The following SPATA1 variants were observed in gnomAD, a reference collection of about 807,000 sequenced individuals.
SPATA1 encodes spermatogenesis associated 1.
SPATA1 carries 57 observed loss-of-function variants against 59.6 expected under a neutral mutation model. That is an observed-to-expected ratio of 0.96 (90% CI 0.77 to 1.19). The LOEUF is 1.19. SPATA1 is among the 50% of genes most tolerant of loss of function. The pLI is 0.00. For synonymous variants in SPATA1, 147 were observed against 163.9 expected, an observed-to-expected ratio of 0.90 and a Z score of 0.79; for missense variants, 448 against 480.7, an observed-to-expected ratio of 0.93 and a Z score of 0.64.
At chr1:84,553,889 T>G (rs1244915848) in exon 13 of SPATA1, 1 of 152,210 alleles carries the variant, frequency 6.6e-6, no homozygotes, top group Non-Finnish European at 1.5e-5. Flanking sequence ...CTTAATTCCC[T>G]GGAGAAAGAA....
chr1:84,559,672 A>G (rs781522493), intron 4 of SPATA1, among the ~76,000 whole-genome samples: 9 of 152,252 alleles, frequency 5.9e-5, no homozygotes, highest in Middle Eastern at 3.4e-3. Flanking sequence ...TAACCTTACA[A>G]TGGGAATTTT....
intron 4 of SPATA1, among the ~76,000 whole-genome samples, chr1:84,564,505 T>A (rs924382318): frequency 2.6e-5 from 4 of 152,198 alleles, no homozygotes; most frequent in African/African-American, 9.6e-5. Flanking sequence ...GGGTGGGGTA[T>A]GTATCAGTTC....
At chr1:84,545,730 T>G in exon 10 of SPATA1, 1 of 1,530,312 alleles carries the variant, frequency 6.5e-7, no homozygotes. Flanking sequence ...GAAAAGCTAT[T>G]TGAACAAAGC....
intron 8 of SPATA1, among the ~76,000 whole-genome samples, chr1:84,540,775 AGCAAGGATGG>A (rs988978268): frequency 6.6e-6 from 1 of 152,248 alleles, no homozygotes; most frequent in Non-Finnish European, 1.5e-5. Context: ...CTCTCTGTAG[AGCAAGGATGG>A]GCAGACTAAG....
rs1558580494 is a variant in SPATA1 at position 84,522,512 on chromosome 1, G to A, written c.261+5G>A. On this transcript the variant is annotated splice_donor_5th_base_variant and intron_variant, in intron 4 of 12. Coordinates refer to ENST00000490879, the Ensembl canonical transcript of SPATA1. ...ATTGGAAATAATTTAGCTGTGGTAA[G>A]TTTTCTTTTTTTTTCTTTCTGATTG... The A allele has an allele frequency of 2.7e-6, 4 of 1,471,000 alleles. No homozygotes were observed. The highest frequency in any genetic ancestry group is 1.4e-5 in the African/African-American group (1 of 69,674). The allele number at this position is 1,471,000 out of a possible 1,614,324, so 91.1% of individuals were successfully genotyped here.
intron 1 of SPATA1, among the ~76,000 whole-genome samples, chr1:84,514,380 C>G (rs559840852): frequency 1.2e-4 from 19 of 152,280 alleles, no homozygotes; most frequent in Admixed American, 7.8e-4. Flanking sequence ...TTGAGTATTC[C>G]TTATCCAAAA....
intron 1 of SPATA1, among the ~76,000 whole-genome samples, chr1:84,510,931 G>A (rs1028507899): frequency 2.6e-5 from 4 of 152,122 alleles, no homozygotes; most frequent in African/African-American, 7.2e-5. Flanking sequence ...AACCTCACAT[G>A]TTCTCACTTA....
At chr1:84,548,677 A>C in intron 10 of SPATA1, 109 bp from the exon 11 acceptor site, 1 of 1,250,084 alleles carries the variant, frequency 8.0e-7, no homozygotes, top group Non-Finnish European at 1.0e-6. Flanking sequence ...AAAATGGTTT[A>C]AATTGACATT....
Position 84,516,404 on chromosome 1 carries a change from A to G in SPATA1, c.36+9A>G. The G allele has an allele frequency of 7.0e-7, 1 of 1,436,850 alleles. No homozygotes were observed. Among genetic ancestry groups the G allele is most frequent in the South Asian group, 1.4e-5 (1 of 71,514 alleles). 89.0% of individuals were successfully genotyped at this position (1,436,850 alleles called of 1,614,324 possible). A position where few individuals can be genotyped will look rare whatever the true frequency, so the allele number is the denominator to read the frequency against. ...GACCTTCCTCATCAGAGGTAAGAAA[A>G]TCTTTTTATACTAAAATATAAGAAA... On this transcript the variant is annotated intron_variant, in intron 2 of 12. Coordinates refer to ENST00000490879, the Ensembl canonical transcript of SPATA1.
chr1:84,566,335 A>G (rs1420723396), downstream of SPATA1: 1 of 156,974 alleles, frequency 6.4e-6, no homozygotes, highest in Non-Finnish European at 1.4e-5. Context: ...TATAATGACA[A>G]CAGGGTATGG....
At chr1:84,521,412 A>C (rs1236800542) in intron 3 of SPATA1, among the ~76,000 whole-genome samples, 3 of 152,072 alleles carry the variant, frequency 2.0e-5, no homozygotes, top group Non-Finnish European at 4.4e-5. Context: ...AATCTTCATC[A>C]TCTCTTTCTT....
intron 2 of SPATA1, among the ~76,000 whole-genome samples, chr1:84,516,993 C>T (rs1458537923): frequency 1.3e-5 from 2 of 152,014 alleles, no homozygotes; most frequent in Non-Finnish European, 2.9e-5. Flanking sequence ...ACCCCCAATA[C>T]CTTCTCTCTA....
In SPATA1 at chr1:84,548,781, T is replaced by TTTGC; in HGVS notation, c.947-5_947-4insTTGC. ...TTTTTTTTTTTTTTTTTTTTTTTTT[T>TTTGC]ATAGCCTACAATGGTTGGAAGAAAA... is the stretch of plus-strand genomic sequence containing the variant. On this transcript the variant is annotated splice_region_variant and splice_polypyrimidine_tract_variant and intron_variant, in intron 10 of 12. Transcript: ENST00000490879. The TTTGC allele has an allele frequency of 1.3e-6, 1 of 762,500 alleles. No homozygotes were observed. Among genetic ancestry groups the TTTGC allele is most frequent in the Non-Finnish European group, 1.6e-6 (1 of 606,966 alleles). 47.2% of individuals were successfully genotyped at this position (762,500 alleles called of 1,614,324 possible). A position where few individuals can be genotyped will look rare whatever the true frequency, so the allele number is the denominator to read the frequency against.
chr1:84,535,367 C>A (rs1007063299), intron 8 of SPATA1, among the ~76,000 whole-genome samples: 2 of 151,970 alleles, frequency 1.3e-5, no homozygotes, highest in African/African-American at 4.8e-5. Flanking sequence ...TTGTCAATTT[C>A]TTACCAAAAG....
Position 84,560,819 on chromosome 1 carries a change from C to A in SPATA1, n.442+4840C>A, listed in dbSNP as rs1200604423. Reference sequence around the variant, plus strand: ...TGATCTATAAATGGAATAACAAAGCCTGGCTCACAGCACATCTGTTTACTG... The same window carrying A: ...TGATCTATAAATGGAATAACAAAGCATGGCTCACAGCACATCTGTTTACTG... On this transcript the variant is annotated intron_variant and non_coding_transcript_variant, in intron 4 of 4. Coordinates refer to the SPATA1 transcript ENST00000460286. 8.9e-4 allele frequency among the ~76,000 whole-genome samples: 135 copies of A among 152,162 alleles called. 2 individuals are homozygous for A. Among genetic ancestry groups the A allele is most frequent in the Non-Finnish European group, 5.9e-5 (4 of 68,030 alleles).
At chr1:84,556,548 T>TA (rs11417376), downstream of SPATA1, among the ~76,000 whole-genome samples, 60,741 of 151,354 alleles carry the variant, frequency 0.4, 14,744 homozygotes, top group African/African-American at 0.69. Context: ...CCATCTTTAC[T>TA]AAAATACAAA....
At chr1:84,525,258 C>T (rs897467013) in intron 4 of SPATA1, among the ~76,000 whole-genome samples, 12 of 152,202 alleles carry the variant, frequency 7.9e-5, no homozygotes, top group East Asian at 3.8e-4. Context: ...TGAGTCACCA[C>T]GCCCAGTCCC....
rs780559959 is a variant in SPATA1 at position 84,526,092 on chromosome 1, G to T, written c.544+19G>T. The T allele has an allele frequency of 1.3e-6, 2 of 1,580,478 alleles. No individual in the cohort carries two copies. Among genetic ancestry groups the T allele is most frequent in the African/African-American group, 2.7e-5 (2 of 74,166 alleles). On this transcript the variant is annotated intron_variant, in intron 6 of 12. Transcript: ENST00000490879. The stretch of plus-strand genomic sequence containing the variant: ...GAAGAAGGTGATTTTAAACTGGAAT[G>T]GGAAAAAGAAAGAGGCTATTATAGT...
At chr1:84,562,036 C>T (rs2102023351) in intron 4 of SPATA1, among the ~76,000 whole-genome samples, 1 of 152,242 alleles carries the variant, frequency 6.6e-6, no homozygotes, top group Middle Eastern at 3.4e-3. Context: ...TTTTAACAAA[C>T]CATATCCATG....
Sources: allele counts gnomAD v4.1 joint callset (sites outside exome capture counted in the v4.1 genomes callset), GRCh38; gene constraint gnomAD v4.1.1; transcripts MANE v1.5; gene names NCBI Gene and HGNC (gene_info 2026-07-23, HGNC 2026-07-21).